The following CDH4 variants were observed in gnomAD, a reference collection of about 807,000 sequenced individuals.
CDH4 encodes the protein cadherin 4, also known as cadherin-4.
Under a neutral mutation model 86.0 loss-of-function variants are expected in CDH4, and 33 were observed. The observed-to-expected ratio is 0.38, with a 90% CI of 0.29 to 0.51. The LOEUF (loss-of-function observed/expected upper bound fraction) is 0.51. Among genes scored for constraint, CDH4 ranks in the 20% least tolerant of loss-of-function variants. The pLI is 0.86. For missense variants in CDH4, 1,114 were observed against 1,307.4 expected (o/e 0.85, Z 2.28); for synonymous variants, 555 against 549.4 (o/e 1.01, Z -0.14).
At position 61,462,914 on chromosome 20, in the gene CDH4, AGG is replaced by A. The variant is rs2085451941; in HGVS notation, c.169+207978_169+207979del. On this transcript the variant is annotated intron_variant, in intron 2 of 15. Coordinates refer to ENST00000614565, the MANE Select transcript of CDH4 (RefSeq NM_001794.5). ...GAAGCAGGAGGGTAAGGATCAGAGC[AGG>A]TGGTGAAATGGTTTGACTGTGTCCT... Among the ~76,000 whole-genome samples, 3 of 152,216 alleles carry A rather than the reference AGG, an allele frequency of 2.0e-5. No individual in the cohort carries two copies. The East Asian group carries it at 5.8e-4, about 29-fold the overall frequency.
At chr20:61,546,136 C>T (rs73320387) in intron 2 of CDH4, among the ~76,000 whole-genome samples, 1,852 of 16,840 alleles carry the variant, frequency 0.11, 68 homozygotes, top group African/African-American at 0.25. Flanking sequence ...ATGTGGGATA[C>T]GGTATTTGTT....
chr20:61,515,960 C>T (rs944148013), intron 2 of CDH4, among the ~76,000 whole-genome samples: 1 of 152,128 alleles, frequency 6.6e-6, no homozygotes, highest in Non-Finnish European at 1.5e-5. Flanking sequence ...TCCCTCACCC[C>T]TCCTGCCTGG....
chr20:61,385,292 A>G (rs1032506287), intron 2 of CDH4, among the ~76,000 whole-genome samples: 2 of 152,112 alleles, frequency 1.3e-5, no homozygotes, highest in African/African-American at 4.8e-5. Flanking sequence ...TGTCTCCTAC[A>G]AGACCATCCA....
At chr20:61,755,452 C>T (rs1159417904) in intron 3 of CDH4, among the ~76,000 whole-genome samples, 9 of 139,496 alleles carry the variant, frequency 6.5e-5, no homozygotes, top group South Asian at 2.2e-4. Flanking sequence ...ACACACACCC[C>T]GTACACACCA....
chr20:61,921,043 A>G (rs569001877), intron 9 of CDH4, among the ~76,000 whole-genome samples: 20 of 136,716 alleles, frequency 1.5e-4, no homozygotes, highest in African/African-American at 5.1e-4. Context: ...GAAGCGTGTC[A>G]TGGTGATTGC....
At chr20:61,814,919 C>A (rs755047250) in intron 4 of CDH4, among the ~76,000 whole-genome samples, 8 of 152,200 alleles carry the variant, frequency 5.3e-5, no homozygotes, top group Non-Finnish European at 1.0e-4. Context: ...GAGCTCCTCC[C>A]ACGCTCCGCT....
At chr20:61,793,199 A>G (rs151008301) in intron 4 of CDH4, among the ~76,000 whole-genome samples, 6 of 149,502 alleles carry the variant, frequency 4.0e-5, no homozygotes, top group South Asian at 2.2e-4. Context: ...TCCTGGCCTC[A>G]AGTGATCTGG....
intron 2 of CDH4, among the ~76,000 whole-genome samples, chr20:61,669,968 C>T (rs561874157): frequency 6.6e-6 from 1 of 152,252 alleles, no homozygotes; most frequent in Non-Finnish European, 1.5e-5. Flanking sequence ...GACCCTCGAG[C>T]TGTGTGGATC....
At chr20:61,477,118 G>A (rs2085541532) in intron 2 of CDH4, among the ~76,000 whole-genome samples, 1 of 152,192 alleles carries the variant, frequency 6.6e-6, no homozygotes, top group Non-Finnish European at 1.5e-5. Flanking sequence ...CAAGAGATGG[G>A]GAGAGATGCC....
intron 2 of CDH4, among the ~76,000 whole-genome samples, chr20:61,343,615 G>C (rs6065093): frequency 2.6e-5 from 4 of 152,082 alleles, no homozygotes; most frequent in Admixed American, 2.6e-4. Flanking sequence ...AGTTGTGCTT[G>C]CGGTAACAAA....
chr20:61,547,959 A>T (rs2086101284), intron 2 of CDH4, among the ~76,000 whole-genome samples: 1 of 152,226 alleles, frequency 6.6e-6, no homozygotes, highest in South Asian at 2.1e-4. Context: ...ATAAATAAAA[A>T]CAAAGTAACA....
chr20:61,818,836 AC>A lies in CDH4; in HGVS notation c.577-25827del, dbSNP rs144940799. On this transcript the variant is annotated intron_variant, in intron 4 of 15. Coordinates refer to ENST00000614565, the MANE Select transcript of CDH4 (RefSeq NM_001794.5). ...TCCAGGCAGCCCTCTGTTTATCCAC[AC>A]CCCCTGCGCCACCCCACCCGGCAGT... Among the ~76,000 whole-genome samples, 49 of 151,482 alleles carry A rather than the reference AC, an allele frequency of 3.2e-4. No homozygotes were observed. In the East Asian group the frequency reaches 8.2e-3, roughly 25 times the overall value.
chr20:61,775,983 A>T (rs1312620051), intron 4 of CDH4, among the ~76,000 whole-genome samples: 1 of 152,052 alleles, frequency 6.6e-6, no homozygotes, highest in Non-Finnish European at 1.5e-5. Context: ...GGCCCCACAC[A>T]CCATCTCCTG....
intron 2 of CDH4, among the ~76,000 whole-genome samples, chr20:61,720,354 G>T (rs2088022418): frequency 6.6e-6 from 1 of 152,142 alleles, no homozygotes; most frequent in Admixed American, 6.5e-5. Flanking sequence ...CAACTTGAGA[G>T]TGATGCAGGG....
At chr20:61,617,140 C>T (rs777657028) in intron 2 of CDH4, among the ~76,000 whole-genome samples, 4 of 152,172 alleles carry the variant, frequency 2.6e-5, no homozygotes, top group Non-Finnish European at 5.9e-5. Flanking sequence ...TCCCACCGCA[C>T]CCACCACCGC....
intron 6 of CDH4, among the ~76,000 whole-genome samples, chr20:61,870,523 C>T (rs1280743851): frequency 6.6e-6 from 1 of 152,222 alleles, no homozygotes; most frequent in African/African-American, 2.4e-5. Context: ...CCTCCACCTT[C>T]TGCATGTCCC....
chr20:61,524,695 G>A (rs1277882255), intron 2 of CDH4, among the ~76,000 whole-genome samples: 2 of 152,108 alleles, frequency 1.3e-5, no homozygotes, highest in Non-Finnish European at 2.9e-5. Context: ...ACGTTGCCCA[G>A]GCTGGTCTCG....
intron 3 of CDH4, among the ~76,000 whole-genome samples, chr20:61,757,825 C>T (rs1467288450): frequency 6.6e-6 from 1 of 152,178 alleles, no homozygotes; most frequent in Non-Finnish European, 1.5e-5. Context: ...TCTGTGTCAC[C>T]TCCTACCCCA....
chr20:61,635,299 T>C (rs960119358), intron 2 of CDH4, among the ~76,000 whole-genome samples: 2 of 152,188 alleles, frequency 1.3e-5, no homozygotes, highest in South Asian at 4.1e-4. Context: ...TTGCCAACAC[T>C]TGTGAATGTC....
Sources: allele counts gnomAD v4.1 joint callset (sites outside exome capture counted in the v4.1 genomes callset), GRCh38; gene constraint gnomAD v4.1.1; transcripts MANE v1.5; gene names NCBI Gene and HGNC (gene_info 2026-07-23, HGNC 2026-07-21).